FGF12: variants seen among roughly 807,000 people sequenced by gnomAD.
FGF12 encodes fibroblast growth factor 12.
Under a neutral mutation model 23.6 loss-of-function variants are expected in FGF12, and 14 were observed. The ratio of observed to expected loss-of-function variants is 0.59; its 90% confidence interval spans 0.39 to 0.93. FGF12 has a LOEUF of 0.93. FGF12 is among the 40% of genes least tolerant of loss of function. FGF12 has a pLI of 0.00. For missense variants in FGF12, 175 were observed against 217.8 expected (o/e 0.80, Z 1.24); for synonymous variants, 62 against 77.3 (o/e 0.80, Z 1.04).
intron 4 of FGF12, among the ~76,000 whole-genome samples, chr3:192,236,686 G>C (rs767865940): frequency 1.8e-4 from 28 of 151,840 alleles, no homozygotes; most frequent in Non-Finnish European, 3.2e-4. Context: ...GCTCTTTCTT[G>C]CTCTCCCTTT....
At chr3:192,323,843 C>G (rs1372185428) in intron 4 of FGF12, among the ~76,000 whole-genome samples, 1 of 152,056 alleles carries the variant, frequency 6.6e-6, no homozygotes, top group South Asian at 2.1e-4. Flanking sequence ...GTAATCTTAG[C>G]GCTTTGGGAG....
chr3:192,510,225 G>A (rs1560134425), intron 2 of FGF12, among the ~76,000 whole-genome samples: 1 of 152,114 alleles, frequency 6.6e-6, no homozygotes, highest in Non-Finnish European at 1.5e-5. Flanking sequence ...CCAACAATAT[G>A]CCCAGCAGAA....
chr3:192,345,874 C>G (rs984964260), intron 3 of FGF12, among the ~76,000 whole-genome samples: 3 of 152,154 alleles, frequency 2.0e-5, no homozygotes, highest in East Asian at 3.8e-4. Flanking sequence ...AAATTACACA[C>G]AGGCAACACA....
intron 2 of FGF12, among the ~76,000 whole-genome samples, chr3:192,642,479 C>T (rs1050523979): frequency 8.5e-5 from 13 of 152,204 alleles, no homozygotes; most frequent in African/African-American, 2.9e-4. Context: ...ACAGTCCTTT[C>T]CTGTGCATGG....
intron 2 of FGF12, among the ~76,000 whole-genome samples, chr3:192,726,044 A>G (rs1048055909): frequency 2.0e-5 from 3 of 152,192 alleles, no homozygotes; most frequent in Admixed American, 2.0e-4. Context: ...CTAGGTTCAA[A>G]TACTTTAAAT....
rs566395439 is a variant in FGF12, at chr3:192,215,593, C to T, written c.229-44937G>A. 2.0e-5 allele frequency among the ~76,000 whole-genome samples: 3 copies of T among 152,300 alleles called. No individual in the cohort carries two copies. In the East Asian group the frequency reaches 5.8e-4, roughly 29 times the overall value. On this transcript the variant is annotated intron_variant, in intron 4 of 5. Transcript: ENST00000445105. ...TACTACTTTAAGGCTGACAGCTTCTCCACAACACTCCTGCCGACTCTGTAC... is the reference window on the plus strand; with the variant it reads ...TACTACTTTAAGGCTGACAGCTTCTTCACAACACTCCTGCCGACTCTGTAC...
At chr3:192,347,781 T>C (rs769063475) in intron 3 of FGF12, among the ~76,000 whole-genome samples, 3 of 152,186 alleles carry the variant, frequency 2.0e-5, no homozygotes, top group Non-Finnish European at 2.9e-5. Context: ...CTTCATTTTT[T>C]CTGAAATGGC....
chr3:192,569,681 A>G (rs2108603184), intron 2 of FGF12, among the ~76,000 whole-genome samples: 1 of 152,344 alleles, frequency 6.6e-6, no homozygotes, highest in South Asian at 2.1e-4. Context: ...TGAGATATAG[A>G]GAAGTTAGTC....
intron 2 of FGF12, among the ~76,000 whole-genome samples, chr3:192,671,921 A>G (rs1288399167): frequency 6.6e-6 from 1 of 152,216 alleles, no homozygotes; most frequent in Non-Finnish European, 1.5e-5. Context: ...AATTTTTCAT[A>G]ATTAACTGGA....
chr3:192,440,553 A>G (rs1268320697), intron 2 of FGF12, among the ~76,000 whole-genome samples: 2 of 152,224 alleles, frequency 1.3e-5, no homozygotes, highest in Non-Finnish European at 2.9e-5. Context: ...ATAAAATCAT[A>G]CATTTGAATT....
intron 2 of FGF12, among the ~76,000 whole-genome samples, chr3:192,711,675 A>G (rs116309061): frequency 0.076 from 11,531 of 152,170 alleles, 824 homozygotes; most frequent in East Asian, 0.19. Context: ...TGAAACATGT[A>G]CCGTGTCCAC....
chr3:192,275,699 TAAGTA>T (rs1192496185), intron 4 of FGF12, among the ~76,000 whole-genome samples: 4 of 152,166 alleles, frequency 2.6e-5, no homozygotes, highest in Non-Finnish European at 4.4e-5. Flanking sequence ...CCTTTTTAGT[TAAGTA>T]AAGTATAAGT....
chr3:192,584,098 T>A (rs1411480444), intron 2 of FGF12, among the ~76,000 whole-genome samples: 1 of 152,206 alleles, frequency 6.6e-6, no homozygotes, highest in Non-Finnish European at 1.5e-5. Flanking sequence ...ATCCCACACC[T>A]TCATTTCCTC....
chr3:192,413,407 T>C (rs1721256830), intron 2 of FGF12, among the ~76,000 whole-genome samples: 1 of 152,158 alleles, frequency 6.6e-6, no homozygotes, highest in Admixed American at 6.5e-5. Flanking sequence ...TCAACCTCTC[T>C]AAACTACATC....
At chr3:192,187,566 G>T (rs1359042263) in intron 4 of FGF12, among the ~76,000 whole-genome samples, 2 of 152,170 alleles carry the variant, frequency 1.3e-5, no homozygotes, top group Admixed American at 6.5e-5. Flanking sequence ...TAATGATAAA[G>T]AGATTAATAA....
chr3:192,155,034 C>T (rs905156234), intron 5 of FGF12, among the ~76,000 whole-genome samples: 3 of 149,380 alleles, frequency 2.0e-5, no homozygotes, highest in South Asian at 2.2e-4. Flanking sequence ...TTTTTTAAGC[C>T]GGTCTGAAAA....
chr3:192,375,336 T>G (rs1356573674), intron 2 of FGF12, among the ~76,000 whole-genome samples: 1 of 152,210 alleles, frequency 6.6e-6, no homozygotes, highest in Admixed American at 6.5e-5. Context: ...TCAATTAGAT[T>G]GATTTAGTCT....
intron 2 of FGF12, among the ~76,000 whole-genome samples, chr3:192,433,097 G>A (rs1721914392): frequency 6.6e-6 from 1 of 152,082 alleles, no homozygotes; most frequent in Admixed American, 6.6e-5. Flanking sequence ...TCTATCCAGG[G>A]AATTCCTAGA....
chr3:192,467,144 T>C (rs1391826334), intron 2 of FGF12, among the ~76,000 whole-genome samples: 1 of 152,170 alleles, frequency 6.6e-6, no homozygotes, highest in East Asian at 1.9e-4. Flanking sequence ...TTTTAGAATT[T>C]TTTCAGTTAT....
Sources: allele counts gnomAD v4.1 joint callset (sites outside exome capture counted in the v4.1 genomes callset), GRCh38; gene constraint gnomAD v4.1.1; transcripts MANE v1.5; gene names NCBI Gene and HGNC (gene_info 2026-07-23, HGNC 2026-07-21).